The following STARD13 variants were observed in gnomAD, a reference collection of about 807,000 sequenced individuals.
STARD13 encodes the protein StAR related lipid transfer domain containing 13.
In STARD13, 62 loss-of-function variants were observed where a neutral mutation model predicts 106.4. The ratio of observed to expected loss-of-function variants is 0.58; its 90% confidence interval spans 0.48 to 0.72. The LOEUF (loss-of-function observed/expected upper bound fraction) is 0.72, where lower values mean the gene tolerates loss of function less well. Ranked by LOEUF, STARD13 falls within the 30% of genes least tolerant of loss-of-function variation. The probability of loss-of-function intolerance (pLI) is 0.00; values close to 1 mark genes in which losing one functional copy is unlikely to be tolerated. For synonymous variants in STARD13, 565 were observed against 553.0 expected (o/e 1.02, Z -0.31); for missense variants, 1,387 against 1,424.0 (o/e 0.97, Z 0.42).
chr13:33,232,632 G>T (rs1888980733), intron 1 of STARD13, among the ~76,000 whole-genome samples: 1 of 152,286 alleles, frequency 6.6e-6, no homozygotes, highest in African/African-American at 2.4e-5. Flanking sequence ...TTGACGACGT[G>T]TATCTGAAAC....
At chr13:33,190,944 CA>C (rs1424979999) in intron 1 of STARD13, among the ~76,000 whole-genome samples, 2 of 151,408 alleles carry the variant, frequency 1.3e-5, no homozygotes, top group Non-Finnish European at 2.9e-5. Flanking sequence ...TACCAGCATT[CA>C]AAAAAAACCC....
intron 4 of STARD13, among the ~76,000 whole-genome samples, chr13:33,133,081 A>C (rs537813): frequency 0.33 from 49,629 of 152,068 alleles, 8,812 homozygotes; most frequent in Non-Finnish European, 0.41. Flanking sequence ...AAAGGATATG[A>C]CTTTAAAGAA....
chr13:33,496,437 C>CCAT, the STARD13 span, among the ~76,000 whole-genome samples: 1 of 151,672 alleles, frequency 6.6e-6, no homozygotes, highest in Non-Finnish European at 1.5e-5. Flanking sequence ...TGGTCAGTTT[C>CCAT]CATAATATCC....
At chr13:33,450,572 G>A in the STARD13 span, among the ~76,000 whole-genome samples, 1 of 152,144 alleles carries the variant, frequency 6.6e-6, no homozygotes. Context: ...GCCTGAATGA[G>A]ATCATAGTCT....
chr13:33,295,519 C>G (rs1850474437), intron 1 of STARD13, among the ~76,000 whole-genome samples: 1 of 152,184 alleles, frequency 6.6e-6, no homozygotes, highest in South Asian at 2.1e-4. Flanking sequence ...TTTCCTTTAC[C>G]CTTTTTTATT....
chr13:33,534,850 G>A, the STARD13 span, among the ~76,000 whole-genome samples: 8 of 152,242 alleles, frequency 5.3e-5, no homozygotes, highest in African/African-American at 1.7e-4. Context: ...ACCCCAAAGA[G>A]GGAAAGCAGA....
the STARD13 span, among the ~76,000 whole-genome samples, chr13:33,523,697 A>G: frequency 6.6e-6 from 1 of 152,176 alleles, no homozygotes; most frequent in African/African-American, 2.4e-5. Flanking sequence ...CATTAAAAAT[A>G]TACCCCAAAA....
the STARD13 span, among the ~76,000 whole-genome samples, chr13:33,643,685 C>A: frequency 6.6e-6 from 1 of 152,272 alleles, no homozygotes. Context: ...GGGTGCCAGT[C>A]TGCCATGGGG....
Position 33,118,183 on chromosome 13 carries a change from G to C in STARD13, c.2163C>G (p.Val721=), listed in dbSNP as rs1875680565. The C allele has an allele frequency of 6.2e-7, 1 of 1,614,068 alleles. No individual in the cohort carries two copies. Among genetic ancestry groups the C allele is most frequent in the Non-Finnish European group, 8.5e-7 (1 of 1,180,042 alleles). ...CATAAGCAGACTGGTCTTCATAGTTGACGTTCTCAGGGAAGTTTTCATTCA... is the reference window on the plus strand; with the variant it reads ...CATAAGCAGACTGGTCTTCATAGTTCACGTTCTCAGGGAAGTTTTCATTCA... The part of the protein sequence containing the change: ...RQMNENFPEN[V]NYEDQSAYDV... The change falls in exon 8 of 14, where the codon GTC becomes GTG. Residue 721 remains valine (V), a synonymous_variant. Coordinates refer to ENST00000336934, the MANE Select transcript of STARD13 (RefSeq NM_178006.4).
intron 1 of STARD13, among the ~76,000 whole-genome samples, chr13:33,203,793 A>G (rs1594101793): frequency 6.6e-6 from 1 of 152,318 alleles, no homozygotes; most frequent in South Asian, 2.1e-4. Context: ...TTTTAACTTT[A>G]AAGGCTAAAG....
chr13:33,528,475 T>C, the STARD13 span, among the ~76,000 whole-genome samples: 1 of 151,322 alleles, frequency 6.6e-6, no homozygotes, highest in Non-Finnish European at 1.5e-5. Flanking sequence ...GGTCTCGCTA[T>C]GTTACCCAGG....
chr13:33,385,165 T>C, the STARD13 span, among the ~76,000 whole-genome samples: 1 of 132,236 alleles, frequency 7.6e-6, no homozygotes, highest in Non-Finnish European at 1.6e-5. Flanking sequence ...GGGTTGATAA[T>C]AGTTTCAACA....
chr13:33,144,270 C>T (rs1234825471), intron 3 of STARD13, among the ~76,000 whole-genome samples: 1 of 152,186 alleles, frequency 6.6e-6, no homozygotes, highest in Non-Finnish European at 1.5e-5. Context: ...CACCAATGGG[C>T]CATCCAAACT....
the STARD13 span, among the ~76,000 whole-genome samples, chr13:33,396,781 T>A: frequency 4.6e-5 from 7 of 152,110 alleles, no homozygotes; most frequent in African/African-American, 7.2e-5. Context: ...AGACAAAATT[T>A]ATGAGATATC....
chr13:33,640,265 C>T, the STARD13 span, among the ~76,000 whole-genome samples: 5 of 152,332 alleles, frequency 3.3e-5, no homozygotes, highest in African/African-American at 1.2e-4. Context: ...ATATCTTTGT[C>T]TTTAAACCAG....
the STARD13 span, among the ~76,000 whole-genome samples, chr13:33,549,961 ACT>A: frequency 3.3e-5 from 5 of 152,092 alleles, no homozygotes; most frequent in Admixed American, 3.3e-4. Flanking sequence ...AACTTTCCAC[ACT>A]CATGCCTCTG....
chr13:33,670,682 T>C, the STARD13 span, among the ~76,000 whole-genome samples: 1 of 152,236 alleles, frequency 6.6e-6, no homozygotes, highest in Non-Finnish European at 1.5e-5. Context: ...AAGACACTGA[T>C]AGAAATGCTT....
the STARD13 span, among the ~76,000 whole-genome samples, chr13:33,609,105 A>AAAAAAAAAG: frequency 0.013 from 1,785 of 132,950 alleles, 104 homozygotes; most frequent in East Asian, 0.14. Context: ...AAAAAAAAAA[A>AAAAAAAAAG]AAATATTGAT....
chr13:33,420,609 A>G, the STARD13 span, among the ~76,000 whole-genome samples: 2 of 152,220 alleles, frequency 1.3e-5, no homozygotes, highest in African/African-American at 4.8e-5. Context: ...TGGACCTAAT[A>G]GACATCTACA....
Sources: gnomAD v4.1 joint callset for allele counts (sites outside exome capture counted in the v4.1 genomes callset) on GRCh38, gnomAD v4.1.1 for gene constraint, MANE v1.5 for transcripts, NCBI Gene and HGNC (gene_info 2026-07-23, HGNC 2026-07-21) for gene names.